NEK5: variants seen among roughly 807,000 people sequenced by gnomAD.
NEK5 encodes serine/threonine-protein kinase Nek5.
Under a neutral mutation model 109.2 loss-of-function variants are expected in NEK5, and 88 were observed. The observed-to-expected ratio is 0.81, with a 90% CI of 0.68 to 0.96. The LOEUF (loss-of-function observed/expected upper bound fraction) is 0.96, where lower values mean the gene tolerates loss of function less well. Ranked by LOEUF, NEK5 falls within the 40% of genes least tolerant of loss-of-function variation. The pLI is 0.00. For synonymous variants in NEK5, 283 were observed against 299.9 expected, an observed-to-expected ratio of 0.94 and a Z score of 0.58; for missense variants, 834 against 920.7, an observed-to-expected ratio of 0.91 and a Z score of 1.22.
At chr13:52,064,564 G>A (rs1396575398) in intron 21 of NEK5, among the ~76,000 whole-genome samples, 8 of 151,756 alleles carry the variant, frequency 5.3e-5, no homozygotes, top group African/African-American at 9.7e-5. Flanking sequence ...CTGCCCGGCC[G>A]CCCCTACTGG....
At chr13:52,088,734 A>G (rs114813211) in intron 14 of NEK5, among the ~76,000 whole-genome samples, 1,832 of 152,244 alleles carry the variant, frequency 0.012, 36 homozygotes, top group African/African-American at 0.043. Context: ...GAGCCAAGGA[A>G]GAAACCGGAC....
chr13:52,043,127 A>C (rs1390578158), intron 23 of NEK5, among the ~76,000 whole-genome samples: 2 of 152,174 alleles, frequency 1.3e-5, no homozygotes, highest in South Asian at 2.1e-4. Context: ...TTAGAATAGT[A>C]ATATCTGTAT....
rs1303500968 is a variant in NEK5, at chr13:52,035,761, T to C, written c.*1187A>G. The C allele has an allele frequency of 6.6e-6, 1 of 152,180 alleles. No individual in the cohort carries two copies. Among genetic ancestry groups the C allele is most frequent in the Non-Finnish European group, 1.5e-5 (1 of 68,036 alleles). 9.4% of individuals were successfully genotyped at this position (152,180 alleles called of 1,614,324 possible). On this transcript the variant is annotated 3_prime_UTR_variant, in exon 24 of 24. Coordinates refer to ENST00000684899, the MANE Select transcript of NEK5 (RefSeq NM_001365552.1). ...TGAAACTATTGGAAACTATTGAAAC[T>C]ATTAGACAAAATGGCCATGGTCATT...
chr13:52,084,758 A>AGTGTGTGT lies in NEK5; in HGVS notation c.1480-1407_1480-1406insACACACAC, dbSNP rs1238379537. Among the ~76,000 whole-genome samples the AGTGTGTGT allele has an allele frequency of 1.1e-4, 5 of 45,182 alleles. No individual in the cohort carries two copies. In the East Asian group the frequency reaches 3.5e-3, roughly 32 times the overall value. The allele number at this position is 45,182 out of a possible 152,430, so 29.6% of individuals were successfully genotyped here. ...GTGAGAGAGAGAGAGAGAGAGAGAG[A>AGTGTGTGT]GAGAGTGTGTGTGTGTGTGTGTGTG... On this transcript the variant is annotated intron_variant, in intron 16 of 23. Transcript: ENST00000684899.
chr13:52,037,196 C>T lies in NEK5; in HGVS notation c.2251G>A (p.Glu751Lys), dbSNP rs1954367907. ...TATTCTACTACTTCATCTCTCAACTCATCTTCAGATTCTTCAAAATTTCTG... is the reference window on the plus strand; with the variant it reads ...TATTCTACTACTTCATCTCTCAACTTATCTTCAGATTCTTCAAAATTTCTG... Reference protein sequence around the residue: ...DDTNFEESEDELRDEVVEYLE... With the variant: ...DDTNFEESEDKLRDEVVEYLE... Residue 751 changes from glutamate to lysine, a missense_variant, in exon 24 of 24, where the codon GAG becomes AAG. Glu to Lys is a moderately conservative substitution (Grantham distance 56). This residue lies in a region of NEK5 where 57 missense variants were observed against 96.0 expected (regional missense o/e 0.59). Transcript: ENST00000684899. The T allele has an allele frequency of 1.0e-6, 1 of 984,410 alleles. No homozygotes were observed. Among genetic ancestry groups the T allele is most frequent in the Non-Finnish European group, 1.2e-6 (1 of 829,150 alleles). The allele number at this position is 984,410 out of a possible 1,614,324, so 61.0% of individuals were successfully genotyped here.
chr13:52,087,757 C>T (rs185710921), intron 14 of NEK5, among the ~76,000 whole-genome samples: 3 of 151,994 alleles, frequency 2.0e-5, no homozygotes, highest in Admixed American at 6.6e-5. Flanking sequence ...TTCCGAGTAG[C>T]TGGGACTACA....
Position 52,090,081 on chromosome 13 carries a change from C to T in NEK5, c.1209-768G>A, listed in dbSNP as rs7319915. On this transcript the variant is annotated intron_variant, in intron 13 of 23. Transcript: ENST00000684899. ...GTCCCTCCATCCATCCCTTTATCTC[C>T]GCACATAAATGCTTAATGAGGAAAG... Among the ~76,000 whole-genome samples, 621 of 152,298 alleles carry T rather than the reference C, an allele frequency of 4.1e-3. 8 individuals carry two copies. The highest frequency in any genetic ancestry group is 0.021 in the Admixed American group (326 of 15,284).
At position 52,093,108 on chromosome 13, in the gene NEK5, G is replaced by C; in HGVS notation, c.1154C>G (p.Thr385Ser). The stretch of plus-strand genomic sequence containing the variant: ...TTCCTGACCGTAATCCTCAACTCCA[G>C]TATTTTCTTGAGGAATAGGGTGATA... ...PSYHPIPQEN[T>S]GVEDYGQETR... Residue 385 changes from threonine (T) to serine (S), a missense_variant, in exon 13 of 24, where the codon ACT becomes AGT. Coordinates refer to ENST00000684899, the MANE Select transcript of NEK5 (RefSeq NM_001365552.1). 6 of 1,613,564 alleles carry C rather than the reference G, an allele frequency of 3.7e-6. No individual in the cohort carries two copies. Among genetic ancestry groups the C allele is most frequent in the Non-Finnish European group, 5.1e-6 (6 of 1,179,542 alleles).
At chr13:52,076,724 T>C (rs1030096275) in intron 17 of NEK5, among the ~76,000 whole-genome samples, 8 of 152,198 alleles carry the variant, frequency 5.3e-5, no homozygotes, top group African/African-American at 1.9e-4. Context: ...TAAATGTGTA[T>C]CTTCAGGCTT....
rs2140867762 is a variant in NEK5 at position 52,036,701 on chromosome 13, C to T, written c.*247G>A. On this transcript the variant is annotated 3_prime_UTR_variant, in exon 24 of 24. Coordinates refer to ENST00000684899, the MANE Select transcript of NEK5 (RefSeq NM_001365552.1). ...TGGACTGGTCTCAAACTCCTGACCT[C>T]ATGATCTGCCTGCCTTGGCCTCCCA... 1 of 152,776 alleles carries T rather than the reference C, an allele frequency of 6.5e-6. No individual in the cohort carries two copies. Among genetic ancestry groups the T allele is most frequent in the East Asian group, 1.9e-4 (1 of 5,192 alleles). The allele number at this position is 152,776 out of a possible 1,614,324, so 9.5% of individuals were successfully genotyped here.
At chr13:52,087,871 C>T (rs965104465) in intron 14 of NEK5, among the ~76,000 whole-genome samples, 6 of 151,210 alleles carry the variant, frequency 4.0e-5, no homozygotes, top group African/African-American at 4.9e-5. Flanking sequence ...GTGATCTGCC[C>T]GCCTTGGCCT....
chr13:52,043,201 G>C (rs1954428647), intron 23 of NEK5, among the ~76,000 whole-genome samples: 2 of 151,656 alleles, frequency 1.3e-5, no homozygotes, highest in Non-Finnish European at 2.9e-5. Flanking sequence ...TGTAAAAAAG[G>C]GACACTTTAC....
In NEK5 at chr13:52,079,292, C is replaced by CTCCCTT. The variant is rs780741584; in HGVS notation, c.1573-3150_1573-3149insAAGGGA. On this transcript the variant is annotated intron_variant, in intron 17 of 23. Coordinates refer to ENST00000684899, the MANE Select transcript of NEK5 (RefSeq NM_001365552.1). ...GGCTTTAAAAAGTAATCTGATCCCT[C>CTCCCTT]TCCCTCTCCCTCTCCCTCTCCCTCT... Among the ~76,000 whole-genome samples the CTCCCTT allele has an allele frequency of 2.5e-5, 3 of 119,266 alleles. No individual in the cohort carries two copies. The East Asian group carries it at 6.8e-4, about 27-fold the overall frequency. 78.2% of individuals were successfully genotyped at this position (119,266 alleles called of 152,430 possible).
chr13:52,097,386 G>T (rs191048956), intron 12 of NEK5, among the ~76,000 whole-genome samples: 1 of 151,480 alleles, frequency 6.6e-6, no homozygotes, highest in African/African-American at 2.4e-5. Context: ...GAGAGCAGCC[G>T]CAGGGGCTGT....
chr13:52,069,624 G>A (rs1954753162), intron 20 of NEK5, among the ~76,000 whole-genome samples: 1 of 152,132 alleles, frequency 6.6e-6, no homozygotes, highest in South Asian at 2.1e-4. Context: ...TACCCTCCAT[G>A]TGATGTATTT....
chr13:52,084,752 A>AGTGT (rs1955095763), intron 16 of NEK5, among the ~76,000 whole-genome samples: 1 of 51,800 alleles, frequency 1.9e-5, no homozygotes, highest in African/African-American at 4.2e-5. Context: ...AGAGAGAGAG[A>AGTGT]GAGAGAGAGA....
In NEK5 at chr13:52,127,467, C is replaced by T; in HGVS notation, c.16G>A (p.Val6Met). ...GCACCTTGCCCGATGGCCTTAATCA[C>T]ATCGTACTTATCCATGGTCTCCAAT... The part of the protein sequence containing the change: MDKYD[V>M]IKAIGQGAFG... The change falls in exon 3 of 24, where the codon GTG becomes ATG. Residue 6 changes from valine to methionine, a missense_variant. Physicochemically the swap from Val to Met is conservative, Grantham distance 21. Coordinates refer to ENST00000684899, the MANE Select transcript of NEK5 (RefSeq NM_001365552.1). 2 of 1,602,558 alleles carry T rather than the reference C, an allele frequency of 1.2e-6. No individual in the cohort carries two copies. The highest frequency in any genetic ancestry group is 2.2e-5 in the South Asian group (2 of 90,784).
rs1228513922 is a variant in NEK5 at position 52,058,720 on chromosome 13, T to C, written c.2110+3099A>G. Among the ~76,000 whole-genome samples, 814 of 152,230 alleles carry C rather than the reference T, an allele frequency of 5.3e-3. 6 individuals carry two copies. Among genetic ancestry groups the C allele is most frequent in the Non-Finnish European group, 7.9e-3 (536 of 67,976 alleles). Reference sequence around the variant, plus strand: ...AATGGGGAAAGGATTCCCTATTTAATAAATGGTGCTGGGAAAACTGGCTAG... The same window carrying C: ...AATGGGGAAAGGATTCCCTATTTAACAAATGGTGCTGGGAAAACTGGCTAG... On this transcript the variant is annotated intron_variant, in intron 22 of 23. Transcript: ENST00000684899.
At chr13:52,049,364 C>T (rs1593917484) in intron 23 of NEK5, among the ~76,000 whole-genome samples, 1 of 152,058 alleles carries the variant, frequency 6.6e-6, no homozygotes, top group Non-Finnish European at 1.5e-5. Context: ...TTCGAGGCTA[C>T]AGTGAGCTGT....
Sources: allele counts gnomAD v4.1 joint callset (sites outside exome capture counted in the v4.1 genomes callset), GRCh38; gene constraint gnomAD v4.1.1; regional missense constraint gnomAD v4.1.1; transcripts MANE v1.5; gene names NCBI Gene and HGNC (gene_info 2026-07-23, HGNC 2026-07-21).